Variants in SNCAIP observed in about 807,000 individuals in gnomAD.
SNCAIP encodes the protein synphilin-1.
Under a neutral mutation model 86.7 loss-of-function variants are expected in SNCAIP, and 43 were observed. That is an observed-to-expected ratio of 0.50 (90% CI 0.39 to 0.64). The LOEUF is 0.64. SNCAIP is among the 30% of genes least tolerant of loss of function. The pLI is 0.00. For synonymous variants in SNCAIP, 417 were observed against 427.2 expected (o/e 0.98, Z 0.29); for missense variants, 981 against 1,103.1 (o/e 0.89, Z 1.57).
chr5:122,415,917 G>C (rs889314976), intron 3 of SNCAIP, among the ~76,000 whole-genome samples: 2 of 152,206 alleles, frequency 1.3e-5, no homozygotes, highest in Admixed American at 1.3e-4. Context: ...CCGAGGTTTT[G>C]CTAGTGTCGA....
chr5:122,401,006 C>T, intron 2 of SNCAIP: 1 of 1,550,124 alleles, frequency 6.5e-7, no homozygotes, highest in Non-Finnish European at 8.7e-7. Context: ...GTCAAGGGAA[C>T]AGGCTACAAA....
At chr5:122,322,642 A>G (rs1427589102) in intron 1 of SNCAIP, among the ~76,000 whole-genome samples, 1 of 152,236 alleles carries the variant, frequency 6.6e-6, no homozygotes, top group Non-Finnish European at 1.5e-5. Flanking sequence ...TTTTAGGAGG[A>G]TGAATGAAGT....
At chr5:122,399,054 G>A (rs1389434705) in intron 2 of SNCAIP, among the ~76,000 whole-genome samples, 2 of 152,110 alleles carry the variant, frequency 1.3e-5, no homozygotes, top group East Asian at 1.9e-4. Context: ...ACAAAGAAAA[G>A]CCAAATAATG....
At chr5:122,395,705 C>T (rs1770459701) in intron 2 of SNCAIP, among the ~76,000 whole-genome samples, 1 of 152,138 alleles carries the variant, frequency 6.6e-6, no homozygotes, top group African/African-American at 2.4e-5. Context: ...TTCCTCCATT[C>T]AATCCCCTGA....
intron 2 of SNCAIP, chr5:122,401,084 A>T (rs1239750405): frequency 6.5e-7 from 1 of 1,550,108 alleles, no homozygotes; most frequent in Admixed American, 2.0e-5. Flanking sequence ...CCAAACTGAC[A>T]GTAGTTGCTG....
rs569119502 is a variant in SNCAIP at position 122,421,662 on chromosome 5, C to T, written c.131-1206C>T. 1.4e-4 allele frequency among the ~76,000 whole-genome samples: 22 copies of T among 152,248 alleles called. No individual in the cohort carries two copies. The South Asian group carries it at 2.1e-3, about 14-fold the overall frequency. ...GAAAGTCCCTAGTTGTAGGGCATGC[C>T]CCCTGAAATCTCATCCTTTGATGGG... On this transcript the variant is annotated intron_variant, in intron 3 of 10. Transcript: ENST00000261368.
At chr5:122,390,553 G>A (rs1271632878) in intron 1 of SNCAIP, among the ~76,000 whole-genome samples, 2 of 152,096 alleles carry the variant, frequency 1.3e-5, no homozygotes, top group Non-Finnish European at 2.9e-5. Context: ...CTTTTTGAGG[G>A]GTGAACTGGA....
chr5:122,420,443 T>TTATG (rs1226694562), intron 3 of SNCAIP, among the ~76,000 whole-genome samples: 1 of 152,146 alleles, frequency 6.6e-6, no homozygotes, highest in Non-Finnish European at 1.5e-5. Context: ...ACCTACTAAG[T>TTATG]TATGTGGCTT....
At chr5:122,425,940 G>A (rs188148927) in intron 5 of SNCAIP, among the ~76,000 whole-genome samples, 19 of 152,292 alleles carry the variant, frequency 1.2e-4, no homozygotes, top group African/African-American at 3.1e-4. Flanking sequence ...CAAAGTGGGC[G>A]CTTAACGGAT....
chr5:122,405,371 A>G (rs1199692521), intron 3 of SNCAIP, among the ~76,000 whole-genome samples: 1 of 152,212 alleles, frequency 6.6e-6, no homozygotes, highest in Non-Finnish European at 1.5e-5. Flanking sequence ...GGAATAAGAG[A>G]GAAGAAAAAA....
At chr5:122,355,207 G>A (rs1760749918) in intron 1 of SNCAIP, among the ~76,000 whole-genome samples, 3 of 152,116 alleles carry the variant, frequency 2.0e-5, no homozygotes, top group African/African-American at 4.8e-5. Flanking sequence ...ATAAAACAAT[G>A]TTTCAGAGGA....
At chr5:122,356,030 A>G (rs1760933295) in intron 1 of SNCAIP, among the ~76,000 whole-genome samples, 2 of 151,654 alleles carry the variant, frequency 1.3e-5, no homozygotes, top group South Asian at 4.2e-4. Flanking sequence ...AAATATATGT[A>G]GATTTATTTA....
At chr5:122,357,361 G>A (rs576249641) in intron 1 of SNCAIP, among the ~76,000 whole-genome samples, 209 of 151,908 alleles carry the variant, frequency 1.4e-3, no homozygotes, top group African/African-American at 4.7e-3. Flanking sequence ...TCAGCCTCCC[G>A]AGTAGCTAGG....
chr5:122,334,933 G>A lies in SNCAIP; in HGVS notation c.-47+22649G>A, dbSNP rs142575995. Among the ~76,000 whole-genome samples the A allele has an allele frequency of 6.6e-5, 10 of 152,238 alleles. No homozygotes were observed. The East Asian group carries it at 1.9e-3, about 29-fold the overall frequency. On this transcript the variant is annotated intron_variant, in intron 1 of 10. Coordinates refer to ENST00000261368, the MANE Select transcript of SNCAIP (RefSeq NM_005460.4). ...ATAGGTGTGGATTTGGGGACTACAGGTTTCAGGAAATGTTACTGCATTGCC... is the reference window on the plus strand; with the variant it reads ...ATAGGTGTGGATTTGGGGACTACAGATTTCAGGAAATGTTACTGCATTGCC...
rs573618778 is a variant in SNCAIP at position 122,390,046 on chromosome 5, G to T, written c.-46-1043G>T. ...TTATCGGGAGGCCCATTTTCATCAG[G>T]CTAGATGTATTTTCACTTTCCAGTA... is the stretch of plus-strand genomic sequence containing the variant. On this transcript the variant is annotated intron_variant, in intron 1 of 10. Transcript: ENST00000261368. Among the ~76,000 whole-genome samples the T allele has an allele frequency of 3.3e-5, 5 of 152,174 alleles. No individual in the cohort carries two copies. The South Asian group carries it at 1.0e-3, about 32-fold the overall frequency.
intron 3 of SNCAIP, among the ~76,000 whole-genome samples, chr5:122,413,074 TA>T (rs1467119553): frequency 2.0e-5 from 3 of 152,202 alleles, no homozygotes; most frequent in Non-Finnish European, 4.4e-5. Context: ...ATTAGTGTCT[TA>T]CCAAAGCAGC....
chr5:122,354,033 C>T (rs1760481997), intron 1 of SNCAIP, among the ~76,000 whole-genome samples: 1 of 152,156 alleles, frequency 6.6e-6, no homozygotes, highest in South Asian at 2.1e-4. Context: ...GTATATTGAG[C>T]ATGTGCCACA....
intron 3 of SNCAIP, among the ~76,000 whole-genome samples, chr5:122,413,952 G>A (rs763992889): frequency 2.0e-5 from 3 of 152,044 alleles, no homozygotes; most frequent in Admixed American, 6.6e-5. Context: ...CTCTTTCGCC[G>A]CAGCTGAAGT....
upstream of SNCAIP, chr5:122,311,896 G>A: frequency 6.6e-6 from 1 of 151,832 alleles, no homozygotes; most frequent in Non-Finnish European, 1.5e-5. Flanking sequence ...GGGGAGGGTC[G>A]CTGTCAGTCA....
Sources: allele counts gnomAD v4.1 joint callset (sites outside exome capture counted in the v4.1 genomes callset), GRCh38; gene constraint gnomAD v4.1.1; transcripts MANE v1.5; gene names NCBI Gene and HGNC (gene_info 2026-07-23, HGNC 2026-07-21).